MEGF10: variants seen among roughly 807,000 people sequenced by gnomAD.
MEGF10 encodes the protein multiple epidermal growth factor-like domains protein 10.
MEGF10 carries 86 observed loss-of-function variants against 147.5 expected under a neutral mutation model. The observed-to-expected ratio is 0.58, with a 90% CI of 0.49 to 0.70. MEGF10 has a LOEUF of 0.70. MEGF10 is among the 30% of genes least tolerant of loss of function. The pLI, the probability that MEGF10 is intolerant of heterozygous loss-of-function variation, is 0.00. For missense variants in MEGF10, 1,329 were observed against 1,487.3 expected (o/e 0.89, Z 1.75); for synonymous variants, 478 against 525.5 (o/e 0.91, Z 1.24).
intron 5 of MEGF10, among the ~76,000 whole-genome samples, chr5:127,378,099 G>T (rs1400559742): frequency 6.6e-6 from 1 of 152,124 alleles, no homozygotes; most frequent in Non-Finnish European, 1.5e-5. Flanking sequence ...TTCAGGAGGG[G>T]CAAAGAACTA....
At chr5:127,392,108 C>CA (rs1763723480) in intron 5 of MEGF10, among the ~76,000 whole-genome samples, 1 of 152,166 alleles carries the variant, frequency 6.6e-6, no homozygotes. Context: ...AAAAGTGTGC[C>CA]TAAGGACAGA....
At chr5:127,391,101 C>T (rs1255134730) in intron 5 of MEGF10, among the ~76,000 whole-genome samples, 7 of 26,080 alleles carry the variant, frequency 2.7e-4, no homozygotes, top group South Asian at 1.2e-3. Context: ...CGCGCGCGCG[C>T]GCACACACAC....
At chr5:127,259,512 C>CCTTTAT in the MEGF10 span, among the ~76,000 whole-genome samples, 1 of 152,120 alleles carries the variant, frequency 6.6e-6, no homozygotes. Flanking sequence ...CTATCTGGTT[C>CCTTTAT]CTGGTTGTCA....
chr5:127,311,370 C>A (rs1441634597), intron 1 of MEGF10, among the ~76,000 whole-genome samples: 1 of 152,152 alleles, frequency 6.6e-6, no homozygotes, highest in African/African-American at 2.4e-5. Flanking sequence ...CTTGGCAGTT[C>A]CAGAAGAATA....
In MEGF10 at chr5:127,457,363, G is replaced by T. The variant is rs1234290399; in HGVS notation, c.*45G>T. The T allele has an allele frequency of 2.5e-6, 4 of 1,573,910 alleles. No homozygotes were observed. Among genetic ancestry groups the T allele is most frequent in the Non-Finnish European group, 3.4e-6 (4 of 1,162,922 alleles). ...AGCCACTGGAACCCTTTCCAGAACT[G>T]CTGTTTGGTTCTTCTCCATCCTCAA... is the stretch of plus-strand genomic sequence containing the variant. On this transcript the variant is annotated 3_prime_UTR_variant, in exon 25 of 25. Transcript: ENST00000503335.
intron 2 of MEGF10, among the ~76,000 whole-genome samples, chr5:127,337,099 G>A (rs547268914): frequency 5.9e-5 from 9 of 152,236 alleles, no homozygotes; most frequent in African/African-American, 1.9e-4. Flanking sequence ...AGACTTCAAA[G>A]GAATGGGCTC....
intron 6 of MEGF10, among the ~76,000 whole-genome samples, chr5:127,397,657 C>A (rs906933716): frequency 2.0e-5 from 3 of 152,176 alleles, no homozygotes; most frequent in African/African-American, 7.2e-5. Context: ...TTGCATTAGC[C>A]TAGAAAGCCC....
At chr5:127,442,003 CCTGA>C (rs1765775353) in intron 18 of MEGF10, among the ~76,000 whole-genome samples, 2 of 152,306 alleles carry the variant, frequency 1.3e-5, no homozygotes, top group East Asian at 1.9e-4. Context: ...GAAAACAGAT[CCTGA>C]CTGAGTGACA....
At chr5:127,436,085 G>A (rs1765545480) in intron 16 of MEGF10, among the ~76,000 whole-genome samples, 1 of 152,160 alleles carries the variant, frequency 6.6e-6, no homozygotes, top group Admixed American at 6.5e-5. Flanking sequence ...TCAGTGCAAT[G>A]TCTAAAAGTA....
At chr5:127,266,690 A>AT in the MEGF10 span, among the ~76,000 whole-genome samples, 10 of 152,246 alleles carry the variant, frequency 6.6e-5, no homozygotes, top group East Asian at 1.7e-3. Flanking sequence ...GCAATTGTGA[A>AT]TGGGAGTTCA....
At chr5:127,289,829 G>A (rs955675721), upstream of MEGF10, among the ~76,000 whole-genome samples, 1 of 152,152 alleles carries the variant, frequency 6.6e-6, no homozygotes, top group South Asian at 2.1e-4. Flanking sequence ...GTAGGAGATG[G>A]TTACCTGGAG....
At chr5:127,369,010 C>G (rs894436870) in intron 4 of MEGF10, among the ~76,000 whole-genome samples, 1 of 152,032 alleles carries the variant, frequency 6.6e-6, no homozygotes, top group Non-Finnish European at 1.5e-5. Flanking sequence ...TATATTTGAG[C>G]AGTAAGTCTT....
At chr5:127,366,039 A>G (rs1260870409) in intron 4 of MEGF10, among the ~76,000 whole-genome samples, 1 of 151,862 alleles carries the variant, frequency 6.6e-6, no homozygotes, top group East Asian at 1.9e-4. Context: ...TCTTTAGCCT[A>G]TATTGGTTTT....
Position 127,457,527 on chromosome 5 carries a change from C to G in MEGF10, c.*209C>G, listed in dbSNP as rs10793809. On this transcript the variant is annotated 3_prime_UTR_variant, in exon 25 of 25. Transcript: ENST00000503335. ...TTCGAAGGAGTTAGAGATGTGATTT[C>G]CCATTGCTGTTAGTTTTAGAACTAT... 405,824 of 540,820 alleles carry G rather than the reference C, an allele frequency of 0.75. 155,232 individuals carry two copies. The highest frequency in any genetic ancestry group is 0.81 in the Non-Finnish European group (249,393 of 309,334). The allele number at this position is 540,820 out of a possible 1,614,324, so 33.5% of individuals were successfully genotyped here. A position where few individuals can be genotyped will look rare whatever the true frequency, so the allele number is the denominator to read the frequency against.
intron 3 of MEGF10, 145 bp from the exon 4 acceptor site, chr5:127,340,385 G>A (rs1356663934): frequency 3.7e-6 from 2 of 534,804 alleles, no homozygotes; most frequent in South Asian, 3.1e-5. Context: ...GCTTCAATAG[G>A]GAATCTTAAT....
At chr5:127,239,122 A>G in the MEGF10 span, among the ~76,000 whole-genome samples, 5 of 152,136 alleles carry the variant, frequency 3.3e-5, no homozygotes, top group African/African-American at 1.2e-4. Flanking sequence ...ACAGGCATCA[A>G]TGTCATGAAA....
the MEGF10 span, among the ~76,000 whole-genome samples, chr5:127,239,476 A>ATAAT: frequency 9.8e-5 from 14 of 142,528 alleles, no homozygotes; most frequent in Admixed American, 1.4e-4. Context: ...ATATATATAT[A>ATAAT]ATATATATAC....
intron 1 of MEGF10, among the ~76,000 whole-genome samples, chr5:127,315,740 C>T (rs1276090610): frequency 2.6e-5 from 4 of 152,122 alleles, no homozygotes; most frequent in Non-Finnish European, 4.4e-5. Context: ...TGTCACTGCA[C>T]TCCAGCCTGG....
chr5:127,451,444 C>T (rs1766153226), intron 22 of MEGF10, among the ~76,000 whole-genome samples: 1 of 152,110 alleles, frequency 6.6e-6, no homozygotes, highest in Admixed American at 6.5e-5. Flanking sequence ...GTATTTCTAA[C>T]CACAGTAAAA....
Sources: allele counts gnomAD v4.1 joint callset (sites outside exome capture counted in the v4.1 genomes callset), GRCh38; gene constraint gnomAD v4.1.1; transcripts MANE v1.5; gene names NCBI Gene and HGNC (gene_info 2026-07-23, HGNC 2026-07-21).